NCKAP1L: variants seen among roughly 807,000 people sequenced by gnomAD.
NCKAP1L encodes the protein nck-associated protein 1-like.
A neutral mutation model predicts 139.2 loss-of-function variants in NCKAP1L; 53 were observed. The observed-to-expected ratio is 0.38, with a 90% CI of 0.31 to 0.48. NCKAP1L has a LOEUF of 0.48. Ranked by LOEUF, NCKAP1L falls within the 20% of genes least tolerant of loss-of-function variation. NCKAP1L has a pLI of 0.98. For synonymous variants in NCKAP1L, 468 were observed against 499.7 expected (o/e 0.94, Z 0.85); for missense variants, 1,151 against 1,381.9 (o/e 0.83, Z 2.65).
chr12:54,510,258 A>C lies in NCKAP1L; in HGVS notation c.735+273A>C. 3.9e-6 allele frequency: 2 copies of C among 514,018 alleles called. 1 individual carries two copies. Among genetic ancestry groups the C allele is most frequent in the Non-Finnish European group, 7.0e-6 (2 of 285,240 alleles). 31.8% of individuals were successfully genotyped at this position (514,018 alleles called of 1,614,324 possible). On this transcript the variant is annotated intron_variant, in intron 7 of 30. Coordinates refer to ENST00000293373, the MANE Select transcript of NCKAP1L (RefSeq NM_005337.5). ...TAGTAAATATTCATAGAATGAATGA[A>C]TGGATGAAACAGAGTCATTAGGCAC...
chr12:54,522,870 T>A (rs1478389567), intron 18 of NCKAP1L, among the ~76,000 whole-genome samples: 1 of 152,014 alleles, frequency 6.6e-6, no homozygotes, highest in Non-Finnish European at 1.5e-5. Context: ...GCAAGAAATA[T>A]GCTACTTAAA....
At chr12:54,524,976 A>G (rs565242934) in intron 20 of NCKAP1L, among the ~76,000 whole-genome samples, 1 of 152,258 alleles carries the variant, frequency 6.6e-6, no homozygotes, top group South Asian at 2.1e-4. Flanking sequence ...AGAGCATTCT[A>G]GGTAGAGGAA....
chr12:54,532,157 C>T lies in NCKAP1L; in HGVS notation c.2782-13C>T. ...ATGGTCTTGTGGACTCATTTATCTT[C>T]TCTTTCCTCCAGGTTTTCTCCTCCC... On this transcript the variant is annotated splice_polypyrimidine_tract_variant and intron_variant, in intron 25 of 30. Coordinates refer to ENST00000293373, the MANE Select transcript of NCKAP1L (RefSeq NM_005337.5). The T allele has an allele frequency of 6.3e-7, 1 of 1,598,426 alleles. No individual in the cohort carries two copies. Among genetic ancestry groups the T allele is most frequent in the Non-Finnish European group, 8.5e-7 (1 of 1,170,004 alleles).
chr12:54,510,093 T>C, intron 7 of NCKAP1L, 108 bp downstream of exon 7: 1 of 1,398,108 alleles, frequency 7.2e-7, no homozygotes, highest in South Asian at 1.3e-5. Context: ...AATGCTTTAG[T>C]CTTCTTCTAG....
intron 30 of NCKAP1L, 116 bp downstream of exon 30, chr12:54,539,089 A>G: frequency 9.9e-6 from 8 of 804,196 alleles, no homozygotes; most frequent in Non-Finnish European, 1.2e-5. Context: ...TTAACTAAGG[A>G]CTTAACTCTG....
At chr12:54,519,551 G>C (rs951865490) in intron 16 of NCKAP1L, among the ~76,000 whole-genome samples, 1 of 151,040 alleles carries the variant, frequency 6.6e-6, no homozygotes. Flanking sequence ...TTACAGGCGA[G>C]AGCCACCAAG....
At position 54,536,164 on chromosome 12, in the gene NCKAP1L, T is replaced by C; in HGVS notation, c.2992T>C (p.Cys998Arg). ...TCCTGAGGAGGAATATAAGGTGGCCTGCCTGCTCTTGATCTTTCTGGCAGT... is the reference window on the plus strand; with the variant it reads ...TCCTGAGGAGGAATATAAGGTGGCCCGCCTGCTCTTGATCTTTCTGGCAGT... ...SSPEEEYKVA[C>R]LLLIFLAVSL... Residue 998 changes from cysteine to arginine, a missense_variant, in exon 28 of 31, where the codon TGC (cysteine) becomes CGC (arginine). Transcript: ENST00000293373. The C allele has an allele frequency of 6.2e-7, 1 of 1,613,538 alleles. No homozygotes were observed. Among genetic ancestry groups the C allele is most frequent in the Non-Finnish European group, 8.5e-7 (1 of 1,179,624 alleles).
intron 3 of NCKAP1L, among the ~76,000 whole-genome samples, chr12:54,506,795 AAAT>A (rs796805499): frequency 2.8e-4 from 23 of 82,412 alleles, no homozygotes; most frequent in South Asian, 1.5e-3. Flanking sequence ...TAAAAAAAAA[AAAT>A]ATATATATAT....
rs1042790040 is a variant in NCKAP1L, at chr12:54,520,762, C to T, written c.1694C>T (p.Ala565Val). The T allele has an allele frequency of 1.2e-6, 2 of 1,613,886 alleles. No homozygotes were observed. Among genetic ancestry groups the T allele is most frequent in the African/African-American group, 1.3e-5 (1 of 74,900 alleles). ...TLEESAMLRYAIAFPLICAHF... is the reference protein window; with the variant it reads ...TLEESAMLRYVIAFPLICAHF... ...GAGGAATCTGCCATGTTGCGTTATG[C>T]CATTGCTTTCCCCCTGATTTGTGCT... The change falls in exon 17 of 31, where the codon GCC (alanine) becomes GTC (valine). Residue 565 changes from alanine (A) to valine (V), a missense_variant. Coordinates refer to ENST00000293373, the MANE Select transcript of NCKAP1L (RefSeq NM_005337.5).
In NCKAP1L at chr12:54,497,824, C is replaced by T; in HGVS notation, c.35C>T (p.Ala12Val). The T allele has an allele frequency of 6.2e-7, 1 of 1,613,640 alleles. No individual in the cohort carries two copies. ...SLTSAYQHKLAEKLTILNDRG... is the reference protein window; with the variant it reads ...SLTSAYQHKLVEKLTILNDRG... ...ACATCTGCTTACCAGCATAAATTAGCAGAGAAGCTCACTATCCTGAATGAT... is the reference window on the plus strand; with the variant it reads ...ACATCTGCTTACCAGCATAAATTAGTAGAGAAGCTCACTATCCTGAATGAT... The change falls in exon 1 of 31, where the codon GCA becomes GTA. Residue 12 changes from alanine (A) to valine (V), a missense_variant. Ala to Val is a moderately conservative substitution (Grantham distance 64). Transcript: ENST00000293373.
At chr12:54,539,076 G>A (rs1565684464) in intron 30 of NCKAP1L, 103 bp downstream of exon 30, 1 of 952,112 alleles carries the variant, frequency 1.1e-6, no homozygotes, top group South Asian at 1.4e-5. Flanking sequence ...TCACCCAAAA[G>A]CATTAACTAA....
chr12:54,535,817 C>T (rs1957109552), intron 27 of NCKAP1L, among the ~76,000 whole-genome samples: 1 of 152,164 alleles, frequency 6.6e-6, no homozygotes, highest in Non-Finnish European at 1.5e-5. Context: ...CTTCTTTCTG[C>T]CTCTCCATCC....
In NCKAP1L at chr12:54,517,009, T is replaced by C; in HGVS notation, c.1095+17T>C. ...GGTCCTAAGGCAAGAGGAAGAAATG[T>C]TGGGAGGGGAATGATGGCCAGTGAT... On this transcript the variant is annotated intron_variant, in intron 11 of 30. Coordinates refer to ENST00000293373, the MANE Select transcript of NCKAP1L (RefSeq NM_005337.5). 6.2e-7 allele frequency: 1 copy of C among 1,603,282 alleles called. No individual in the cohort carries two copies. Among genetic ancestry groups the C allele is most frequent in the South Asian group, 1.1e-5 (1 of 90,870 alleles).
rs529531242 is a variant in NCKAP1L, at chr12:54,522,653, C to T, written c.1879-741C>T. On this transcript the variant is annotated intron_variant, in intron 18 of 30. Transcript: ENST00000293373. ...AGAGTTTGGATTTAAAAAAAGAAGG[C>T]ACGACTAAAAGTAACAAAACTGGTT... 3.9e-5 allele frequency among the ~76,000 whole-genome samples: 6 copies of T among 152,248 alleles called. No individual in the cohort carries two copies. In the South Asian group the frequency reaches 6.2e-4, roughly 16 times the overall value.
rs1957174606 is a variant in NCKAP1L at position 54,543,314 on chromosome 12, G to A, written c.*629G>A. The A allele has an allele frequency of 6.6e-6, 1 of 152,236 alleles. No homozygotes were observed. Among genetic ancestry groups the A allele is most frequent in the Non-Finnish European group, 1.5e-5 (1 of 68,102 alleles). The allele number at this position is 152,236 out of a possible 1,614,324, so 9.4% of individuals were successfully genotyped here. A position where few individuals can be genotyped will look rare whatever the true frequency, so the allele number is the denominator to read the frequency against. ...TGACTGCGTTTCCTACTGGGGCAAG[G>A]AGGAAGTGCCCTTCAGAGATGTTCA... On this transcript the variant is annotated 3_prime_UTR_variant, in exon 31 of 31. Coordinates refer to ENST00000293373, the MANE Select transcript of NCKAP1L (RefSeq NM_005337.5).
chr12:54,527,892 T>C (rs2120946910), intron 21 of NCKAP1L, among the ~76,000 whole-genome samples: 1 of 152,240 alleles, frequency 6.6e-6, no homozygotes, highest in South Asian at 2.1e-4. Flanking sequence ...AATTAAGTAG[T>C]GACTTTTTTC....
intron 30 of NCKAP1L, 151 bp from the exon 31 acceptor site, chr12:54,542,424 C>A: frequency 1.5e-6 from 1 of 646,390 alleles, no homozygotes; most frequent in Non-Finnish European, 2.8e-6. Flanking sequence ...TGCAGCCAAA[C>A]CAAGTGAGGG....
intron 20 of NCKAP1L, among the ~76,000 whole-genome samples, chr12:54,524,552 T>G (rs1171671951): frequency 6.6e-6 from 1 of 152,218 alleles, no homozygotes; most frequent in African/African-American, 2.4e-5. Context: ...GAAGAATTAT[T>G]ATGAATAAGT....
intron 3 of NCKAP1L, 71 bp from the exon 4 acceptor site, chr12:54,507,782 C>T (rs1565673271): frequency 7.0e-7 from 1 of 1,420,316 alleles, no homozygotes; most frequent in South Asian, 1.1e-5. Context: ...GGTCCCTTTC[C>T]CTCAAGTTCT....
Sources: allele counts gnomAD v4.1 joint callset (sites outside exome capture counted in the v4.1 genomes callset), GRCh38; gene constraint gnomAD v4.1.1; transcripts MANE v1.5; gene names NCBI Gene and HGNC (gene_info 2026-07-23, HGNC 2026-07-21).